The following CCDC150 variants were observed in gnomAD, a reference collection of about 807,000 sequenced individuals.
CCDC150 encodes coiled-coil domain containing 150.
A neutral mutation model predicts 156.5 loss-of-function variants in CCDC150; 151 were observed. The ratio of observed to expected loss-of-function variants is 0.97; its 90% CI spans 0.85 to 1.10. The LOEUF is 1.10. Ranked by LOEUF, CCDC150 falls within the 50% of genes least tolerant of loss-of-function variation. CCDC150 has a pLI of 0.00. For synonymous variants in CCDC150, 452 were observed against 429.4 expected (o/e 1.05, Z -0.65); for missense variants, 1,312 against 1,268.1 (o/e 1.03, Z -0.53).
At position 196,653,555 on chromosome 2, in the gene CCDC150, G is replaced by A. The variant is rs554806836; in HGVS notation, c.177-3078G>A. Among the ~76,000 whole-genome samples, 34 of 152,222 alleles carry A rather than the reference G, an allele frequency of 2.2e-4. 1 individual carries two copies. The South Asian group carries it at 7.1e-3, about 32-fold the overall frequency. ...TTTTCATCTGAGACCTCATCAGCCT[G>A]TCCTCTGTCTATATTTCTGTCATCT... On this transcript the variant is annotated intron_variant, in intron 2 of 27. Transcript: ENST00000389175.
At chr2:196,673,887 C>T (rs556772330) in intron 9 of CCDC150, among the ~76,000 whole-genome samples, 1 of 152,198 alleles carries the variant, frequency 6.6e-6, no homozygotes, top group African/African-American at 2.4e-5. Flanking sequence ...ATTCTGAATG[C>T]TCATGGATTT....
intron 17 of CCDC150, among the ~76,000 whole-genome samples, chr2:196,718,143 A>G (rs1697652137): frequency 6.6e-6 from 1 of 152,082 alleles, no homozygotes; most frequent in Non-Finnish European, 1.5e-5. Context: ...TAAATACACT[A>G]TTTAGTATTT....
Position 196,729,209 on chromosome 2 carries a change from A to G in CCDC150, c.2573A>G (p.Asp858Gly), listed in dbSNP as rs970080398. The G allele has an allele frequency of 6.2e-7, 1 of 1,610,500 alleles. No individual in the cohort carries two copies. Among genetic ancestry groups the G allele is most frequent in the Non-Finnish European group, 8.5e-7 (1 of 1,179,006 alleles). The change falls in exon 23 of 28, where the codon GAT becomes GGT. Residue 858 changes from aspartate (D) to glycine (G), a missense_variant. Coordinates refer to ENST00000389175, the MANE Select transcript of CCDC150 (RefSeq NM_001080539.2). ...REVAELKKALDEANFRSVEVS... is the reference protein window; with the variant it reads ...REVAELKKALGEANFRSVEVS... ...TGTTTTAAGCTGAAGAAAGCCCTTG[A>G]TGAAGCTAACTTCAGATCAGTGGAA... is the stretch of plus-strand genomic sequence containing the variant.
chr2:196,705,394 T>C (rs1336311230), intron 15 of CCDC150, among the ~76,000 whole-genome samples: 1 of 152,210 alleles, frequency 6.6e-6, no homozygotes, highest in African/African-American at 2.4e-5. Context: ...AACTTTTTGA[T>C]GGGGTTGTTT....
rs1474574206 is a variant in CCDC150 at position 196,639,734 on chromosome 2, C to G, written c.-33C>G. 2 of 1,532,388 alleles carry G rather than the reference C, an allele frequency of 1.3e-6. No homozygotes were observed. Among genetic ancestry groups the G allele is most frequent in the Non-Finnish European group, 1.8e-6 (2 of 1,132,148 alleles). 94.9% of individuals were successfully genotyped at this position (1,532,388 alleles called of 1,614,324 possible). A position where few individuals can be genotyped will look rare whatever the true frequency, so the allele number is the denominator to read the frequency against. On this transcript the variant is annotated 5_prime_UTR_variant, in exon 1 of 28. Coordinates refer to ENST00000389175, the MANE Select transcript of CCDC150 (RefSeq NM_001080539.2). ...TGTGTTAGTTCCACGGAAACCCGCT[C>G]GCCTGCTGCAGTACGGAGCCTCAGG...
At chr2:196,645,653 ATTC>A (rs2125566363) in intron 1 of CCDC150, among the ~76,000 whole-genome samples, 1 of 152,294 alleles carries the variant, frequency 6.6e-6, no homozygotes, top group East Asian at 1.9e-4. Flanking sequence ...TATTCTCACT[ATTC>A]TTATTTATTT....
chr2:196,690,388 TAAA>T (rs892804898), intron 13 of CCDC150, among the ~76,000 whole-genome samples: 10 of 152,060 alleles, frequency 6.6e-5, no homozygotes, highest in African/African-American at 1.9e-4. Flanking sequence ...ATAATAATAA[TAAA>T]ATAAAAAACC....
chr2:196,709,559 C>G (rs969178594), intron 15 of CCDC150, among the ~76,000 whole-genome samples: 1 of 152,148 alleles, frequency 6.6e-6, no homozygotes, highest in African/African-American at 2.4e-5. Context: ...TGGTGAGGAG[C>G]TGTGATCCTT....
rs1394406512 is a variant in CCDC150, at chr2:196,674,269, G to T, written c.1058G>T (p.Cys353Phe). 6.2e-7 allele frequency: 1 copy of T among 1,601,518 alleles called. No individual in the cohort carries two copies. ...TTGAATGACCAATTGACTAAAAAGT[G>T]TTCAGAGTTGAGCTGCATGCTTCAG... The part of the protein sequence containing the change: ...QVLNDQLTKK[C>F]SELSCMLQTV... Residue 353 changes from cysteine to phenylalanine, a missense_variant, in exon 10 of 28, where the codon TGT becomes TTT. By Grantham distance (205) the Cys-to-Phe change is radical. Coordinates refer to ENST00000389175, the MANE Select transcript of CCDC150 (RefSeq NM_001080539.2).
chr2:196,661,127 A>T (rs1029853879), intron 5 of CCDC150, among the ~76,000 whole-genome samples: 2 of 152,140 alleles, frequency 1.3e-5, no homozygotes, highest in African/African-American at 4.8e-5. Flanking sequence ...TCTTGGTTCT[A>T]TGATAAAGTC....
chr2:196,703,901 G>T (rs2125672182), intron 15 of CCDC150, among the ~76,000 whole-genome samples: 1 of 152,268 alleles, frequency 6.6e-6, no homozygotes, highest in Admixed American at 6.5e-5. Flanking sequence ...TAAGATTTTT[G>T]ATAGTCTTTG....
At position 196,703,729 on chromosome 2, in the gene CCDC150, T is replaced by G. The variant is rs144216060; in HGVS notation, c.1695+2549T>G. On this transcript the variant is annotated intron_variant, in intron 15 of 27. Transcript: ENST00000389175. ...CTCTCATGACAGACTTAAAGCCAAA[T>G]TTTGACTGGGAATGAAATATATTTT... 2.0e-5 allele frequency among the ~76,000 whole-genome samples: 3 copies of G among 152,202 alleles called. No homozygotes were observed. The East Asian group carries it at 5.8e-4, about 29-fold the overall frequency.
chr2:196,720,059 G>A (rs577030900), intron 19 of CCDC150: 4 of 371,616 alleles, frequency 1.1e-5, no homozygotes, highest in Non-Finnish European at 2.2e-5. Flanking sequence ...TTACTATCCT[G>A]TTTCAAGATT....
Position 196,729,242 on chromosome 2 carries a change from G to A in CCDC150, c.2606G>A (p.Arg869Gln), listed in dbSNP as rs374038715. Reference protein sequence around the residue: ...EANFRSVEVSRTNRELRQKLA... With the variant: ...EANFRSVEVSQTNRELRQKLA... Reference sequence around the variant, plus strand: ...AACTTCAGATCAGTGGAAGTGTCCCGGACCAACCGAGAGCTGCGACAGAAA... The same window carrying A: ...AACTTCAGATCAGTGGAAGTGTCCCAGACCAACCGAGAGCTGCGACAGAAA... Residue 869 changes from arginine (R) to glutamine (Q), a missense_variant, in exon 23 of 28, where the codon CGG becomes CAG. Coordinates refer to ENST00000389175, the MANE Select transcript of CCDC150 (RefSeq NM_001080539.2). 35 of 1,613,582 alleles carry A rather than the reference G, an allele frequency of 2.2e-5. No homozygotes were observed. Among genetic ancestry groups the A allele is most frequent in the Middle Eastern group, 1.6e-4 (1 of 6,084 alleles).
rs369875582 is a variant in CCDC150, at chr2:196,728,980, T to C, written c.2557-213T>C. ...ATGATGAATATACATTTGCATTCTTTATTCCAAAAAAGATTTTGTTCTTTA... is the reference window on the plus strand; with the variant it reads ...ATGATGAATATACATTTGCATTCTTCATTCCAAAAAAGATTTTGTTCTTTA... On this transcript the variant is annotated intron_variant, in intron 22 of 27. Transcript: ENST00000389175. 2.2e-4 allele frequency among the ~76,000 whole-genome samples: 34 copies of C among 152,322 alleles called. No individual in the cohort carries two copies. The South Asian group carries it at 7.1e-3, about 32-fold the overall frequency.
intron 6 of CCDC150, 32 bp from the exon 7 acceptor site, chr2:196,666,687 A>T: frequency 6.4e-7 from 1 of 1,552,254 alleles, no homozygotes; most frequent in Non-Finnish European, 8.7e-7. Context: ...TCTTTATCTC[A>T]CAGAAAAAGA....
At chr2:196,681,187 T>C (rs1375821883) in intron 13 of CCDC150, among the ~76,000 whole-genome samples, 1 of 152,206 alleles carries the variant, frequency 6.6e-6, no homozygotes, top group Non-Finnish European at 1.5e-5. Flanking sequence ...TCTGGATATT[T>C]TATATAAATA....
chr2:196,653,014 G>T (rs550897812), intron 2 of CCDC150, among the ~76,000 whole-genome samples: 1 of 152,350 alleles, frequency 6.6e-6, no homozygotes, highest in African/African-American at 2.4e-5. Context: ...GGTGGTGCAG[G>T]GTGGTGACAC....
intron 6 of CCDC150, 109 bp downstream of exon 6, chr2:196,665,792 T>C (rs910630540): frequency 6.8e-6 from 4 of 589,168 alleles, no homozygotes; most frequent in African/African-American, 5.8e-5. Flanking sequence ...TTTATTAAAA[T>C]ATTTACTTTT....
Sources: gnomAD v4.1 joint callset for allele counts (sites outside exome capture counted in the v4.1 genomes callset) on GRCh38, gnomAD v4.1.1 for gene constraint, MANE v1.5 for transcripts, NCBI Gene and HGNC (gene_info 2026-07-23, HGNC 2026-07-21) for gene names.